The following KIAA1549L variants were observed in gnomAD, a reference collection of about 807,000 sequenced individuals.
KIAA1549L encodes UPF0606 protein KIAA1549L.
Under a neutral mutation model 160.7 loss-of-function variants are expected in KIAA1549L, and 88 were observed. That is an observed-to-expected ratio of 0.55 (90% CI 0.46 to 0.65). The LOEUF is 0.65. KIAA1549L is among the 30% of genes least tolerant of loss of function. The pLI is 0.00. For missense variants in KIAA1549L, 2,258 were observed against 2,437.5 expected (o/e 0.93, Z 1.55); for synonymous variants, 950 against 976.7 (o/e 0.97, Z 0.51).
intron 1 of KIAA1549L, among the ~76,000 whole-genome samples, chr11:33,399,647 T>C (rs1175098173): frequency 1.3e-5 from 2 of 152,214 alleles, no homozygotes; most frequent in African/African-American, 4.8e-5. Flanking sequence ...CAACTGGCCA[T>C]CTGTTCCCCC....
chr11:33,473,419 G>A (rs1025890013), intron 1 of KIAA1549L, among the ~76,000 whole-genome samples: 1 of 152,180 alleles, frequency 6.6e-6, no homozygotes, highest in African/African-American at 2.4e-5. Flanking sequence ...TCCAAGACAA[G>A]TCTTAGAGGT....
In KIAA1549L at chr11:33,545,105, A is replaced by G; in HGVS notation, c.3112A>G (p.Thr1038Ala). The change falls in exon 3 of 21, where the codon ACA (threonine) becomes GCA (alanine). Residue 1038 changes from threonine to alanine, a missense_variant. This residue lies in a region of KIAA1549L where 1,359 missense variants were observed against 1,546.6 expected (regional missense o/e 0.88). Transcript: ENST00000658780. ...NMDTASGLLS[T>A]TYLPRKPQAM... ...GGACACTGCCTCTGGCCTGTTGTCT[A>G]CAACTTACCTCCCCAGGAAACCACA... 6.2e-7 allele frequency: 1 copy of G among 1,614,026 alleles called. No homozygotes were observed. Among genetic ancestry groups the G allele is most frequent in the Middle Eastern group, 1.6e-4 (1 of 6,062 alleles).
chr11:33,541,203 C>T (rs1160345960), intron 1 of KIAA1549L, among the ~76,000 whole-genome samples: 1 of 152,132 alleles, frequency 6.6e-6, no homozygotes, highest in Non-Finnish European at 1.5e-5. Flanking sequence ...GAAGTGTCTC[C>T]TTCCTGGTTT....
chr11:33,532,448 A>ATTCTAAGGACTTTACGCGTT (rs1268085031), intron 1 of KIAA1549L, among the ~76,000 whole-genome samples: 1 of 152,252 alleles, frequency 6.6e-6, no homozygotes, highest in Non-Finnish European at 1.5e-5. Flanking sequence ...TATAAGCACT[A>ATTCTAAGGACTTTACGCGTT]TTCTAAGGAC....
At chr11:33,581,637 G>A (rs1288205502) in intron 10 of KIAA1549L, among the ~76,000 whole-genome samples, 2 of 152,130 alleles carry the variant, frequency 1.3e-5, no homozygotes, top group African/African-American at 4.8e-5. Context: ...CTCGGGAAAT[G>A]GGTTTTCCTA....
At chr11:33,393,648 C>T (rs1210736780) in intron 1 of KIAA1549L, among the ~76,000 whole-genome samples, 2 of 152,138 alleles carry the variant, frequency 1.3e-5, no homozygotes, top group Non-Finnish European at 2.9e-5. Flanking sequence ...AAGGAACAAC[C>T]GAGGCATGTT....
chr11:33,471,977 G>A (rs187201121), intron 1 of KIAA1549L, among the ~76,000 whole-genome samples: 41 of 152,326 alleles, frequency 2.7e-4, no homozygotes, highest in African/African-American at 9.1e-4. Context: ...TGGGCTTACC[G>A]GAGATGCAGA....
intron 1 of KIAA1549L, among the ~76,000 whole-genome samples, chr11:33,504,460 C>T (rs1785253888): frequency 6.6e-6 from 1 of 151,954 alleles, no homozygotes; most frequent in African/African-American, 2.4e-5. Flanking sequence ...CCTTCCCTTC[C>T]CTTTCCCTTT....
chr11:33,445,224 A>T (rs1851587277), intron 1 of KIAA1549L, among the ~76,000 whole-genome samples: 1 of 152,124 alleles, frequency 6.6e-6, no homozygotes, highest in Non-Finnish European at 1.5e-5. Flanking sequence ...ATTTATCCCA[A>T]ACCTCTGTTG....
intron 1 of KIAA1549L, among the ~76,000 whole-genome samples, chr11:33,483,605 T>A (rs1291509804): frequency 6.6e-6 from 1 of 152,132 alleles, no homozygotes; most frequent in East Asian, 1.9e-4. Flanking sequence ...CCAAATCTCA[T>A]CTTGAATTGT....
intron 7 of KIAA1549L, among the ~76,000 whole-genome samples, chr11:33,560,919 T>C (rs537401243): frequency 1.3e-5 from 2 of 152,320 alleles, no homozygotes; most frequent in Non-Finnish European, 2.9e-5. Flanking sequence ...AGGGAAAAGA[T>C]GATGTCATAA....
chr11:33,432,146 C>G (rs972619071), intron 1 of KIAA1549L, among the ~76,000 whole-genome samples: 1 of 152,244 alleles, frequency 6.6e-6, no homozygotes, highest in Non-Finnish European at 1.5e-5. Flanking sequence ...TCCCCGCAAG[C>G]TGAGGGAGTG....
chr11:33,413,103 T>C (rs1386406796), intron 1 of KIAA1549L, among the ~76,000 whole-genome samples: 1 of 152,192 alleles, frequency 6.6e-6, no homozygotes, highest in African/African-American at 2.4e-5. Context: ...AAAAGCATTT[T>C]ACTTTCAGAT....
At chr11:33,638,086 A>G (rs943322111) in intron 16 of KIAA1549L, among the ~76,000 whole-genome samples, 6 of 152,296 alleles carry the variant, frequency 3.9e-5, no homozygotes, top group Middle Eastern at 6.8e-3. Flanking sequence ...AGCTATGTCA[A>G]TCTGTTTTGT....
At chr11:33,449,792 A>T (rs942489928) in intron 1 of KIAA1549L, among the ~76,000 whole-genome samples, 2 of 152,188 alleles carry the variant, frequency 1.3e-5, no homozygotes, top group African/African-American at 4.8e-5. Context: ...TGTCAGATGA[A>T]GTCCTAGATC....
At chr11:33,544,729 C>T (rs758495066) in intron 2 of KIAA1549L, 38 bp from the exon 3 acceptor site, 27 of 1,550,066 alleles carry the variant, frequency 1.7e-5, no homozygotes, top group Non-Finnish European at 2.3e-5. Flanking sequence ...ACGTGCATTC[C>T]AAGCCAATGA....
intron 8 of KIAA1549L, among the ~76,000 whole-genome samples, chr11:33,563,459 G>C (rs950067941): frequency 6.6e-6 from 1 of 151,874 alleles, no homozygotes; most frequent in Non-Finnish European, 1.5e-5. Flanking sequence ...AAGCAGCCTG[G>C]TCCCAAACCT....
At chr11:33,604,551 C>A (rs1850447596) in intron 13 of KIAA1549L, among the ~76,000 whole-genome samples, 2 of 152,114 alleles carry the variant, frequency 1.3e-5, no homozygotes, top group African/African-American at 4.8e-5. Flanking sequence ...AGATAGGGAA[C>A]CAACCTAAGT....
intron 1 of KIAA1549L, among the ~76,000 whole-genome samples, chr11:33,494,294 C>T (rs1852763842): frequency 6.6e-6 from 1 of 152,192 alleles, no homozygotes; most frequent in Admixed American, 6.5e-5. Context: ...CAGCTTAAAG[C>T]CAACAAATAT....
Sources: allele counts gnomAD v4.1 joint callset (sites outside exome capture counted in the v4.1 genomes callset), GRCh38; gene constraint gnomAD v4.1.1; regional missense constraint gnomAD v4.1.1; transcripts MANE v1.5; gene names NCBI Gene and HGNC (gene_info 2026-07-23, HGNC 2026-07-21).